ACTR10: variants seen among roughly 807,000 people sequenced by gnomAD.
The protein encoded by ACTR10 is actin related protein 10.
A neutral mutation model predicts 56.2 loss-of-function variants in ACTR10; 43 were observed. The observed-to-expected ratio is 0.77, with a 90% confidence interval of 0.60 to 0.99. ACTR10 has a LOEUF of 0.99. Among genes scored for constraint, ACTR10 ranks in the 50% least tolerant of loss-of-function variants. The pLI, the probability that ACTR10 is intolerant of heterozygous loss-of-function variation, is 0.00. For synonymous variants in ACTR10, 170 were observed against 176.3 expected, an observed-to-expected ratio of 0.96 and a Z score of 0.28; for missense variants, 466 against 507.8, an observed-to-expected ratio of 0.92 and a Z score of 0.79.
chr14:58,226,267 T>C (rs938405702), intron 10 of ACTR10, among the ~76,000 whole-genome samples: 1 of 151,798 alleles, frequency 6.6e-6, no homozygotes, highest in African/African-American at 2.4e-5. Flanking sequence ...CCCCATCTCT[T>C]TTTTTCTCTT....
chr14:58,222,422 C>T (rs1889295131), intron 8 of ACTR10, among the ~76,000 whole-genome samples: 1 of 152,050 alleles, frequency 6.6e-6, no homozygotes, highest in Non-Finnish European at 1.5e-5. Context: ...ACAATCATTA[C>T]AAAAAGCCCA....
chr14:58,217,122 A>G (rs1889150942), intron 7 of ACTR10, among the ~76,000 whole-genome samples: 1 of 152,220 alleles, frequency 6.6e-6, no homozygotes, highest in Non-Finnish European at 1.5e-5. Flanking sequence ...TAATTTATAA[A>G]AGGTCTTCAA....
At chr14:58,211,236 C>A (rs539467519) in intron 4 of ACTR10, 56 bp from the exon 5 acceptor site, 1 of 1,304,552 alleles carries the variant, frequency 7.7e-7, no homozygotes, top group Non-Finnish European at 1.1e-6. Flanking sequence ...AAGGCAAATA[C>A]CTTCAAATAA....
chr14:58,222,697 G>A (rs1594811535), intron 8 of ACTR10, among the ~76,000 whole-genome samples: 4 of 150,392 alleles, frequency 2.7e-5, no homozygotes, highest in South Asian at 2.1e-4. Flanking sequence ...CTCAGGAGGC[G>A]GAGGTTGCAT....
chr14:58,207,348 C>A (rs1012126800), intron 2 of ACTR10, among the ~76,000 whole-genome samples: 2 of 146,664 alleles, frequency 1.4e-5, no homozygotes, highest in Admixed American at 1.4e-4. Context: ...TTTTTTGAGA[C>A]GGAATCTGGT....
intron 12 of ACTR10, among the ~76,000 whole-genome samples, chr14:58,233,689 A>G (rs1889599416): frequency 6.6e-6 from 1 of 152,208 alleles, no homozygotes; most frequent in African/African-American, 2.4e-5. Flanking sequence ...ATCAGCTGTA[A>G]CTACTTTGAA....
chr14:58,219,108 C>T (rs1381987063), intron 7 of ACTR10, among the ~76,000 whole-genome samples: 1 of 152,188 alleles, frequency 6.6e-6, no homozygotes, highest in Non-Finnish European at 1.5e-5. Flanking sequence ...GCGTGAGCCA[C>T]TGCGCCTGGC....
intron 7 of ACTR10, among the ~76,000 whole-genome samples, chr14:58,217,539 T>A (rs930522570): frequency 6.6e-6 from 1 of 151,664 alleles, no homozygotes; most frequent in African/African-American, 2.4e-5. Context: ...TGGTGGCTAA[T>A]CCTGTAATCC....
chr14:58,207,964 A>G lies in ACTR10; in HGVS notation c.179A>G (p.Asn60Ser), dbSNP rs776437293. 1 of 1,508,748 alleles carries G rather than the reference A, an allele frequency of 6.6e-7. No homozygotes were observed. The highest frequency in any genetic ancestry group is 8.8e-7 in the Non-Finnish European group (1 of 1,135,848). 93.5% of individuals were successfully genotyped at this position (1,508,748 alleles called of 1,614,324 possible). A position where few individuals can be genotyped will look rare whatever the true frequency, so the allele number is the denominator to read the frequency against. Reference protein sequence around the residue: ...KPVRVVQYNINTEELYSYLKE... With the variant: ...KPVRVVQYNISTEELYSYLKE... ...GTCAGAGTTGTTCAGTATAATATCA[A>G]TACAGAAGAATTATATTCCTACCTA... The change falls in exon 3 of 13, where the codon AAT becomes AGT. Residue 60 changes from asparagine to serine, a missense_variant. By Grantham distance (46) the Asn-to-Ser change is conservative (BLOSUM62 1). Transcript: ENST00000254286.
At chr14:58,213,518 A>G (rs763847624) in intron 5 of ACTR10, 113 bp from the exon 6 acceptor site, 8 of 524,726 alleles carry the variant, frequency 1.5e-5, no homozygotes, top group Non-Finnish European at 2.5e-5. Context: ...AAAAATAAGA[A>G]ATAAAAATTT....
chr14:58,211,971 C>CT (rs71448944), intron 5 of ACTR10, among the ~76,000 whole-genome samples: 33,062 of 148,970 alleles, frequency 0.22, 4,022 homozygotes, highest in Middle Eastern at 0.31. Context: ...TTTTTCTTTT[C>CT]TTTTTTTTTA....
chr14:58,213,746 A>C (rs775770664), intron 6 of ACTR10, 48 bp downstream of exon 6: 44 of 1,446,002 alleles, frequency 3.0e-5, no homozygotes, highest in Non-Finnish European at 4.2e-5. Context: ...TGCCACAAAA[A>C]CAGTTGCTAA....
intron 2 of ACTR10, among the ~76,000 whole-genome samples, chr14:58,203,314 A>G (rs936111208): frequency 1.3e-5 from 2 of 151,674 alleles, no homozygotes; most frequent in African/African-American, 4.8e-5. Context: ...AAAAAAAAAA[A>G]AAAAAAAGAA....
chr14:58,204,148 G>T (rs781001475), intron 2 of ACTR10, among the ~76,000 whole-genome samples: 4 of 151,692 alleles, frequency 2.6e-5, no homozygotes, highest in Non-Finnish European at 5.9e-5. Flanking sequence ...TTGGGAGGCC[G>T]AGGCGGGCAG....
Position 58,207,967 on chromosome 14 carries a change from C to T in ACTR10, c.182C>T (p.Thr61Ile). 1 of 1,507,034 alleles carries T rather than the reference C, an allele frequency of 6.6e-7. No individual in the cohort carries two copies. Among genetic ancestry groups the T allele is most frequent in the Non-Finnish European group, 8.8e-7 (1 of 1,135,282 alleles). The allele number at this position is 1,507,034 out of a possible 1,614,324, so 93.4% of individuals were successfully genotyped here. ...AGAGTTGTTCAGTATAATATCAATA[C>T]AGAAGAATTATATTCCTACCTAAAG... is the stretch of plus-strand genomic sequence containing the variant. The part of the protein sequence containing the change: ...PVRVVQYNIN[T>I]EELYSYLKEF... Residue 61 changes from threonine (T) to isoleucine (I), a missense_variant, in exon 3 of 13, where the codon ACA (threonine) becomes ATA (isoleucine). Thr to Ile is a moderately conservative substitution (Grantham distance 89). Transcript: ENST00000254286.
Position 58,233,553 on chromosome 14 carries a change from T to C in ACTR10, c.1073-817T>C, listed in dbSNP as rs1646730392. 1.3e-5 allele frequency among the ~76,000 whole-genome samples: 2 copies of C among 152,244 alleles called. 1 individual carries two copies. The highest frequency in any genetic ancestry group is 4.1e-4 in the South Asian group (2 of 4,834). On this transcript the variant is annotated intron_variant, in intron 12 of 12. Transcript: ENST00000254286. ...TGTTTATGTGTTAATCGACTATTCA[T>C]GTTATTGGTAAGACTTCTCAGTCAA...
chr14:58,213,351 T>G (rs538170800), intron 5 of ACTR10: 7 of 248,852 alleles, frequency 2.8e-5, no homozygotes, highest in African/African-American at 1.3e-4. Context: ...ATTTCATGTA[T>G]TAAGTAGCTG....
At chr14:58,208,962 AACTTTT>A (rs1217046587) in intron 3 of ACTR10, 31 bp from the exon 4 acceptor site, 6 of 1,404,902 alleles carry the variant, frequency 4.3e-6, no homozygotes, top group South Asian at 2.4e-5. Context: ...AATGAATAAA[AACTTTT>A]ACTTTTAAAA....
chr14:58,204,983 G>A (rs1888820237), intron 2 of ACTR10, among the ~76,000 whole-genome samples: 1 of 152,098 alleles, frequency 6.6e-6, no homozygotes, highest in South Asian at 2.1e-4. Flanking sequence ...CACTTTGGGA[G>A]GCTGAGGCAG....
Sources: gnomAD v4.1 joint callset for allele counts (sites outside exome capture counted in the v4.1 genomes callset) on GRCh38, gnomAD v4.1.1 for gene constraint, MANE v1.5 for transcripts, NCBI Gene and HGNC (gene_info 2026-07-23, HGNC 2026-07-21) for gene names.